DYNC2I1: variants seen among roughly 807,000 people sequenced by gnomAD.
DYNC2I1 encodes dynein 2 intermediate chain 1.
DYNC2I1 carries 89 observed loss-of-function variants against 133.4 expected under a neutral mutation model. That is an observed-to-expected ratio of 0.67 (90% CI 0.56 to 0.80). The LOEUF (loss-of-function observed/expected upper bound fraction) is 0.80. Among genes scored for constraint, DYNC2I1 ranks in the 30% least tolerant of loss-of-function variants. DYNC2I1 has a pLI of 0.00. For synonymous variants in DYNC2I1, 504 were observed against 484.3 expected (o/e 1.04, Z -0.54); for missense variants, 1,291 against 1,314.5 (o/e 0.98, Z 0.28).
chr7:158,937,336 C>A (rs1850858384), intron 23 of DYNC2I1, among the ~76,000 whole-genome samples: 1 of 152,156 alleles, frequency 6.6e-6, no homozygotes, highest in Non-Finnish European at 1.5e-5. Context: ...TTAGAAAATA[C>A]ACAATCAATG....
chr7:158,847,888 G>T, the DYNC2I1 span, among the ~76,000 whole-genome samples: 1 of 152,180 alleles, frequency 6.6e-6, no homozygotes, highest in Admixed American at 6.5e-5. Context: ...TAGAGGGTAT[G>T]ATGTAAAGGA....
chr7:158,881,689 A>G lies in DYNC2I1; in HGVS notation c.879+1700A>G, dbSNP rs754576133. ...AGGATGGTCTCAATCTCCTGACCTC[A>G]TGATCCGCCCGCCTTGGCCTCCCAA... On this transcript the variant is annotated intron_variant, in intron 5 of 24. Transcript: ENST00000407559. Among the ~76,000 whole-genome samples the G allele has an allele frequency of 7.6e-4, 116 of 152,104 alleles. 1 individual carries two copies. Among genetic ancestry groups the G allele is most frequent in the Middle Eastern group, 3.4e-3 (1 of 294 alleles).
At chr7:158,934,587 T>C (rs1379125491) in intron 23 of DYNC2I1, 38 bp downstream of exon 23, 3 of 1,541,174 alleles carry the variant, frequency 1.9e-6, no homozygotes, top group African/African-American at 2.8e-5. Flanking sequence ...AATTCTTCTT[T>C]TTTTGTTTTT....
intron 23 of DYNC2I1, among the ~76,000 whole-genome samples, chr7:158,940,330 G>A (rs755237468): frequency 2.6e-5 from 4 of 152,122 alleles, no homozygotes; most frequent in South Asian, 2.1e-4. Flanking sequence ...GCTTCTGTGA[G>A]AATCTAGTGC....
chr7:158,950,951 A>C (rs1852037395), downstream of DYNC2I1, among the ~76,000 whole-genome samples: 1 of 152,086 alleles, frequency 6.6e-6, no homozygotes, highest in Non-Finnish European at 1.5e-5. Context: ...CAGCCTCTAT[A>C]TGATTCCAGG....
intron 15 of DYNC2I1, among the ~76,000 whole-genome samples, chr7:158,921,730 C>T (rs1849114241): frequency 6.6e-6 from 1 of 152,116 alleles, no homozygotes; most frequent in African/African-American, 2.4e-5. Flanking sequence ...TGGCCGGGTG[C>T]TGCTTTCCAC....
chr7:158,901,153 G>T (rs781232549), intron 8 of DYNC2I1, among the ~76,000 whole-genome samples: 1 of 152,040 alleles, frequency 6.6e-6, no homozygotes, highest in South Asian at 2.1e-4. Context: ...TCACTGCAAC[G>T]TCTGCCTCCC....
chr7:158,860,182 A>C (rs1213879190), intron 1 of DYNC2I1, among the ~76,000 whole-genome samples: 1 of 152,052 alleles, frequency 6.6e-6, no homozygotes, highest in Non-Finnish European at 1.5e-5. Flanking sequence ...CAGCCTCGCA[A>C]GTAGCTGAGA....
At chr7:158,913,801 T>C (rs2527206) in intron 13 of DYNC2I1, among the ~76,000 whole-genome samples, 128,334 of 152,092 alleles carry the variant, frequency 0.84, 54,298 homozygotes, top group East Asian at 0.95. Context: ...CTCCGCCTCT[T>C]GGGTTCAAGT....
At chr7:158,841,178 T>C in the DYNC2I1 span, among the ~76,000 whole-genome samples, 2 of 9,836 alleles carry the variant, frequency 2.0e-4, no homozygotes, top group African/African-American at 7.0e-4. Context: ...TATATATATA[T>C]ATATATATAT....
rs1563117307 is a variant in DYNC2I1, at chr7:158,889,064, CA to C, written c.990+1990del. On this transcript the variant is annotated intron_variant, in intron 7 of 24. Coordinates refer to ENST00000407559, the MANE Select transcript of DYNC2I1 (RefSeq NM_018051.5). Reference sequence around the variant, plus strand: ...ACACACACACACACACACACACACACACCCCTCCTGTTTTTCTTTTTTTTTT... The same window carrying C: ...ACACACACACACACACACACACACACCCCCTCCTGTTTTTCTTTTTTTTTT... 2.8e-3 allele frequency among the ~76,000 whole-genome samples: 420 copies of C among 149,736 alleles called. 11 individuals carry two copies. Among genetic ancestry groups the C allele is most frequent in the Admixed American group, 0.018 (276 of 15,012 alleles).
chr7:158,915,383 G>A (rs77126199), intron 14 of DYNC2I1, among the ~76,000 whole-genome samples: 6 of 42,014 alleles, frequency 1.4e-4, no homozygotes, highest in Admixed American at 2.4e-4. Context: ...ATTGTGAAAC[G>A]TCGACATGCT....
At chr7:158,918,686 A>G in intron 14 of DYNC2I1, 54 bp from the exon 15 acceptor site, 2 of 1,585,912 alleles carry the variant, frequency 1.3e-6, no homozygotes, top group Non-Finnish European at 1.7e-6. Context: ...TTTTTTTGGA[A>G]AAGATAATCC....
chr7:158,916,886 A>G (rs1848396579), intron 14 of DYNC2I1, among the ~76,000 whole-genome samples: 1 of 84,420 alleles, frequency 1.2e-5, no homozygotes, highest in Admixed American at 1.1e-4. Flanking sequence ...ATTTAGGATG[A>G]TTGTGAAACC....
chr7:158,956,540 A>C (rs1028888791), intron 4 of DYNC2I1: 3 of 152,358 alleles, frequency 2.0e-5, no homozygotes, highest in African/African-American at 7.2e-5. Context: ...CCAGGACGAG[A>C]GTACTCCCAT....
Position 158,877,577 on chromosome 7 carries a change from C to T in DYNC2I1, c.573+886C>T, listed in dbSNP as rs377510020. Among the ~76,000 whole-genome samples the T allele has an allele frequency of 2.2e-4, 34 of 152,340 alleles. 1 individual carries two copies. The South Asian group carries it at 6.4e-3, about 29-fold the overall frequency. On this transcript the variant is annotated intron_variant, in intron 4 of 24. Transcript: ENST00000407559. The stretch of plus-strand genomic sequence containing the variant: ...TATGTCCTAAGCAGGAGCTGGGCAT[C>T]ATCTTCGTTTAAAAGTTTTGCTCAT...
intron 11 of DYNC2I1, 54 bp from the exon 12 acceptor site, chr7:158,911,496 C>A: frequency 1.3e-6 from 2 of 1,583,380 alleles, no homozygotes; most frequent in Non-Finnish European, 8.6e-7. Flanking sequence ...CCCTACACTT[C>A]CCCACGTATA....
intron 8 of DYNC2I1, among the ~76,000 whole-genome samples, chr7:158,894,972 G>T (rs953611875): frequency 3.3e-5 from 5 of 152,152 alleles, no homozygotes; most frequent in African/African-American, 1.2e-4. Context: ...ATCTTGTTTA[G>T]TGGAGTGGGG....
At chr7:158,900,826 C>T (rs1288676886) in intron 8 of DYNC2I1, among the ~76,000 whole-genome samples, 2 of 136,394 alleles carry the variant, frequency 1.5e-5, no homozygotes, top group Admixed American at 1.7e-4. Context: ...AGAGACTTTT[C>T]TTCAGCTCTG....
Sources: allele counts gnomAD v4.1 joint callset (sites outside exome capture counted in the v4.1 genomes callset), GRCh38; gene constraint gnomAD v4.1.1; transcripts MANE v1.5; gene names NCBI Gene and HGNC (gene_info 2026-07-23, HGNC 2026-07-21).